Variants in ITGA4 observed in about 807,000 individuals in gnomAD.
ITGA4 encodes integrin alpha-4.
Under a neutral mutation model 133.6 loss-of-function variants are expected in ITGA4, and 63 were observed. The ratio of observed to expected loss-of-function variants is 0.47; its 90% CI spans 0.38 to 0.58. The LOEUF (loss-of-function observed/expected upper bound fraction) is 0.58, where lower values mean the gene tolerates loss of function less well. Among genes scored for constraint, ITGA4 ranks in the 20% least tolerant of loss-of-function variants. The probability of loss-of-function intolerance (pLI) is 0.00; values close to 1 mark genes in which losing one functional copy is unlikely to be tolerated. For missense variants in ITGA4, 1,076 were observed against 1,252.7 expected (o/e 0.86, Z 2.13); for synonymous variants, 483 against 438.0 (o/e 1.10, Z -1.28).
chr2:181,501,068 C>T (rs1686258047), intron 15 of ITGA4, among the ~76,000 whole-genome samples: 1 of 152,036 alleles, frequency 6.6e-6, no homozygotes, highest in Non-Finnish European at 1.5e-5. Flanking sequence ...GGAAGTTACC[C>T]ATGTAGATAT....
At chr2:181,465,032 A>C (rs1426895604) in intron 2 of ITGA4, among the ~76,000 whole-genome samples, 5 of 152,090 alleles carry the variant, frequency 3.3e-5, no homozygotes, top group African/African-American at 9.7e-5. Flanking sequence ...TAGTTCTAAA[A>C]ACCCCTTTTA....
At chr2:181,486,644 A>G (rs1232903096) in intron 10 of ITGA4, among the ~76,000 whole-genome samples, 2 of 152,192 alleles carry the variant, frequency 1.3e-5, no homozygotes, top group Non-Finnish European at 1.5e-5. Context: ...CATGGATGTC[A>G]GTCCTGTTGT....
At chr2:181,496,246 T>A (rs1372457123) in intron 14 of ITGA4, among the ~76,000 whole-genome samples, 1 of 152,158 alleles carries the variant, frequency 6.6e-6, no homozygotes, top group Non-Finnish European at 1.5e-5. Flanking sequence ...CTTCTTGACA[T>A]TGGATAAAAT....
At chr2:181,483,502 T>C (rs1685850489) in intron 9 of ITGA4, among the ~76,000 whole-genome samples, 1 of 152,190 alleles carries the variant, frequency 6.6e-6, no homozygotes, top group African/African-American at 2.4e-5. Context: ...TGTAACTATG[T>C]TCAGTCAATG....
chr2:181,495,507 C>CTTA lies in ITGA4; in HGVS notation c.1385+92_1385+93insTAT, dbSNP rs1166250984. 1.1e-6 allele frequency: 1 copy of CTTA among 916,966 alleles called. No homozygotes were observed. The highest frequency in any genetic ancestry group is 2.4e-5 in the East Asian group (1 of 41,266). The allele number at this position is 916,966 out of a possible 1,614,324, so 56.8% of individuals were successfully genotyped here. On this transcript the variant is annotated intron_variant, in intron 13 of 27. Coordinates refer to ENST00000397033, the MANE Select transcript of ITGA4 (RefSeq NM_000885.6). The surrounding 1 kb of genome is among the most constrained non-coding windows in gnomAD (Gnocchi z 4.3). The stretch of plus-strand genomic sequence containing the variant: ...GTTTAAAATCAGCAGTGGTAGTGAC[C>CTTA]TCATGATGCTCTTTTGGTATTCTGA...
intron 15 of ITGA4, chr2:181,499,054 C>G (rs1686215963): frequency 5.5e-6 from 1 of 181,784 alleles, no homozygotes; most frequent in Admixed American, 6.5e-5. Flanking sequence ...TCTCCTATCC[C>G]TCTTTATCTA....
At chr2:181,527,597 T>A in intron 22 of ITGA4, 1 of 488,558 alleles carries the variant, frequency 2.0e-6, no homozygotes, top group Non-Finnish European at 3.8e-6. Flanking sequence ...AGCCCATATT[T>A]CCTTACAGGA....
chr2:181,488,874 A>G (rs932095049), intron 10 of ITGA4, among the ~76,000 whole-genome samples: 1 of 152,026 alleles, frequency 6.6e-6, no homozygotes, highest in African/African-American at 2.4e-5. Context: ...TTCTAATTTT[A>G]TCTTCTATTT....
intron 2 of ITGA4, among the ~76,000 whole-genome samples, chr2:181,459,819 A>G (rs926376801): frequency 2.0e-5 from 3 of 152,216 alleles, no homozygotes; most frequent in African/African-American, 7.2e-5. Context: ...GTCCTGTCAT[A>G]GTTTCCTGAT....
At position 181,475,086 on chromosome 2, in the gene ITGA4, C is replaced by G. The variant is rs200989622; in HGVS notation, c.426+20C>G. Reference sequence around the variant, plus strand: ...ATCGTGGTAGGTATTGGAACTGGTCCACAGATCCATCGTGAAATCAGCTAT... The same window carrying G: ...ATCGTGGTAGGTATTGGAACTGGTCGACAGATCCATCGTGAAATCAGCTAT... On this transcript the variant is annotated intron_variant, in intron 3 of 27. Transcript: ENST00000397033. The G allele has an allele frequency of 2.1e-5, 34 of 1,609,890 alleles. No individual in the cohort carries two copies. The highest frequency in any genetic ancestry group is 1.6e-4 in the Middle Eastern group (1 of 6,076).
chr2:181,470,451 T>TG (rs1319184537), intron 2 of ITGA4, among the ~76,000 whole-genome samples: 13 of 152,062 alleles, frequency 8.5e-5, no homozygotes, highest in Admixed American at 6.6e-5. Context: ...TACAACTACC[T>TG]GGGGGGCTTC....
intron 4 of ITGA4, 44 bp downstream of exon 4, chr2:181,475,332 G>GA: frequency 6.8e-7 from 1 of 1,472,960 alleles, no homozygotes; most frequent in Non-Finnish European, 9.4e-7. Flanking sequence ...ATAAGTAAGT[G>GA]AATACCTTTT....
chr2:181,522,623 ACAGTAT>A (rs890678535), intron 18 of ITGA4, among the ~76,000 whole-genome samples: 1 of 152,092 alleles, frequency 6.6e-6, no homozygotes, highest in Admixed American at 6.6e-5. Flanking sequence ...TGATGTTGGA[ACAGTAT>A]CCCCTTGATT....
At chr2:181,513,620 A>G (rs1237025446) in intron 17 of ITGA4, among the ~76,000 whole-genome samples, 2 of 152,050 alleles carry the variant, frequency 1.3e-5, no homozygotes, top group Non-Finnish European at 2.9e-5. Flanking sequence ...ACATGTGATA[A>G]CAGTGCTTCA....
At position 181,537,320 on chromosome 2, in the gene ITGA4, C is replaced by CAGAGT. The variant is rs1213593300; in HGVS notation, c.*1795_*1799dup. 1 of 453,362 alleles carries CAGAGT rather than the reference C, an allele frequency of 2.2e-6. No homozygotes were observed. The highest frequency in any genetic ancestry group is 7.0e-5 in the East Asian group (1 of 14,302). 28.1% of individuals were successfully genotyped at this position (453,362 alleles called of 1,614,324 possible). On this transcript the variant is annotated 3_prime_UTR_variant, in exon 28 of 28. Coordinates refer to ENST00000397033, the MANE Select transcript of ITGA4 (RefSeq NM_000885.6). ...TCAGGTTATCTGAGCACAGTGAAAGCAGAGTACTATGGTTGTCCAACACAG... is the reference window on the plus strand; with the variant it reads ...TCAGGTTATCTGAGCACAGTGAAAGCAGAGTAGAGTACTATGGTTGTCCAACACAG...
Position 181,516,894 on chromosome 2 carries a change from G to A in ITGA4, c.1922+5119G>A, listed in dbSNP as rs184163823. 1.3e-5 allele frequency among the ~76,000 whole-genome samples: 2 copies of A among 152,130 alleles called. No homozygotes were observed. The highest frequency in any genetic ancestry group is 1.3e-4 in the Admixed American group (2 of 15,262). The stretch of plus-strand genomic sequence containing the variant: ...TCCATTTTTAAAATGGAAATAGTAC[G>A]AATATTTGGCTCACTGACAGCATAA... On this transcript the variant is annotated intron_variant, in intron 17 of 27. Coordinates refer to ENST00000397033, the MANE Select transcript of ITGA4 (RefSeq NM_000885.6). The surrounding 1 kb of genome is among the most constrained non-coding windows in gnomAD (Gnocchi z 4.0).
chr2:181,479,246 C>T (rs1574385285), intron 5 of ITGA4: 2 of 152,348 alleles, frequency 1.3e-5, no homozygotes, highest in African/African-American at 4.8e-5. Context: ...AATTTAATAT[C>T]CCCTTAAATC....
chr2:181,510,140 C>G (rs1043632124), intron 16 of ITGA4, among the ~76,000 whole-genome samples: 1 of 152,102 alleles, frequency 6.6e-6, no homozygotes, highest in Non-Finnish European at 1.5e-5. Context: ...TATTCAGTGT[C>G]ATCATGTGTC....
intron 16 of ITGA4, among the ~76,000 whole-genome samples, chr2:181,511,492 T>A (rs1451295384): frequency 6.6e-6 from 1 of 152,062 alleles, no homozygotes; most frequent in Non-Finnish European, 1.5e-5. Context: ...TATTTAGAAC[T>A]TAGCTCTTTT....
Sources: gnomAD v4.1 joint callset for allele counts (sites outside exome capture counted in the v4.1 genomes callset) on GRCh38, gnomAD v4.1.1 for gene constraint, Gnocchi (gnomAD v3.1) non-coding constraint, MANE v1.5 for transcripts, NCBI Gene and HGNC (gene_info 2026-07-23, HGNC 2026-07-21) for gene names.